Variants in SHISA9 observed in about 807,000 individuals in gnomAD.
The protein encoded by SHISA9 is protein shisa-9.
In SHISA9, 13 loss-of-function variants were observed where a neutral mutation model predicts 38.0. That is an observed-to-expected ratio of 0.34 (90% CI 0.22 to 0.54). SHISA9 has a LOEUF of 0.54. Among genes scored for constraint, SHISA9 ranks in the 20% least tolerant of loss-of-function variants. The pLI, the probability that SHISA9 is intolerant of heterozygous loss-of-function variation, is 0.91. For synonymous variants in SHISA9, 275 were observed against 242.0 expected (o/e 1.14, Z -1.27); for missense variants, 538 against 575.8 (o/e 0.93, Z 0.67).
At chr16:13,146,731 C>T (rs1467793164) in intron 2 of SHISA9, among the ~76,000 whole-genome samples, 1 of 152,154 alleles carries the variant, frequency 6.6e-6, no homozygotes, top group Non-Finnish European at 1.5e-5. Flanking sequence ...TTAACGTTGT[C>T]AGAATCAGGT....
chr16:13,052,943 C>T (rs1010627455), intron 2 of SHISA9, among the ~76,000 whole-genome samples: 2 of 150,220 alleles, frequency 1.3e-5, no homozygotes, highest in Non-Finnish European at 1.5e-5. Context: ...CCTTTAGGAT[C>T]CCCTTTCCTT....
chr16:13,551,757 G>A, the SHISA9 span, among the ~76,000 whole-genome samples: 46 of 152,264 alleles, frequency 3.0e-4, no homozygotes, highest in South Asian at 6.4e-3. Flanking sequence ...GGCCGGGAGC[G>A]GTGGCTCATG....
rs373019555 is a variant in SHISA9 at position 13,235,298 on chromosome 16, G to A, written c.1164G>A (p.Lys388=). 85 of 1,550,916 alleles carry A rather than the reference G, an allele frequency of 5.5e-5. No individual in the cohort carries two copies. Among genetic ancestry groups the A allele is most frequent in the Non-Finnish European group, 7.2e-5 (83 of 1,147,022 alleles). The change falls in exon 5 of 5, where the codon AAG becomes AAA. Residue 388 remains lysine (K), a synonymous_variant. Coordinates refer to ENST00000558583, the MANE Select transcript of SHISA9 (RefSeq NM_001145204.3). ...LRRQAYSNKG[K]LGTAETGSSD... ...GGCAGGCTTACAGCAACAAGGGCAA[G>A]CTTGGCACGGCCGAGACAGGCTCCA...
the SHISA9 span, among the ~76,000 whole-genome samples, chr16:13,556,907 C>T: frequency 1.3e-5 from 2 of 152,024 alleles, no homozygotes; most frequent in East Asian, 1.9e-4. Flanking sequence ...ATGGAATATA[C>T]ATAGTTTACA....
At chr16:13,168,098 C>G (rs552813042) in intron 2 of SHISA9, among the ~76,000 whole-genome samples, 181 of 152,250 alleles carry the variant, frequency 1.2e-3, no homozygotes, top group African/African-American at 4.0e-3. Flanking sequence ...TAGCCAGTTC[C>G]TGGAGATAGT....
chr16:13,127,224 A>G (rs1487577429), intron 2 of SHISA9, among the ~76,000 whole-genome samples: 11 of 106,694 alleles, frequency 1.0e-4, no homozygotes, highest in Non-Finnish European at 1.5e-4. Flanking sequence ...AAAGAGAGGG[A>G]GGGGGAGAAA....
chr16:13,088,233 T>G (rs1210232254), intron 2 of SHISA9, among the ~76,000 whole-genome samples: 6 of 152,170 alleles, frequency 3.9e-5, no homozygotes, highest in Non-Finnish European at 5.9e-5. Context: ...GGCCTTGTAG[T>G]ATAGTTTGAA....
the SHISA9 span, among the ~76,000 whole-genome samples, chr16:13,496,193 T>G: frequency 1.2e-4 from 18 of 152,122 alleles, no homozygotes; most frequent in African/African-American, 4.3e-4. Context: ...ACTCAAAAAA[T>G]GTTTTACCTG....
In SHISA9 at chr16:13,240,226, A is replaced by G. The variant is rs1389725460; in HGVS notation, c.*4817A>G. The G allele has an allele frequency of 6.6e-6, 1 of 152,242 alleles. No individual in the cohort carries two copies. The highest frequency in any genetic ancestry group is 2.4e-5 in the African/African-American group (1 of 41,478). 9.4% of individuals were successfully genotyped at this position (152,242 alleles called of 1,614,324 possible). ...ATATTTTATGTGCGAATATTTTAGT[A>G]ACCGTATGTTCTGCAAGTAAACCTG... is the stretch of plus-strand genomic sequence containing the variant. On this transcript the variant is annotated 3_prime_UTR_variant, in exon 5 of 5. Coordinates refer to ENST00000558583, the MANE Select transcript of SHISA9 (RefSeq NM_001145204.3).
At chr16:13,490,337 T>C in the SHISA9 span, among the ~76,000 whole-genome samples, 2 of 151,744 alleles carry the variant, frequency 1.3e-5, no homozygotes, top group African/African-American at 4.8e-5. Flanking sequence ...CTGAGGCGGG[T>C]GGATTGCCTG....
At chr16:13,019,750 TTTTCTTTTC>T (rs1207015269) in intron 2 of SHISA9, among the ~76,000 whole-genome samples, 25 of 150,546 alleles carry the variant, frequency 1.7e-4, no homozygotes, top group Non-Finnish European at 3.0e-4. Context: ...TTCTTCCTTC[TTTTCTTTTC>T]TTTCTTTTCT....
At chr16:13,349,623 A>G in the SHISA9 span, among the ~76,000 whole-genome samples, 1 of 152,234 alleles carries the variant, frequency 6.6e-6, no homozygotes, top group Admixed American at 6.5e-5. Context: ...CAAGTTGCAC[A>G]TCTTTCCACA....
At chr16:13,434,920 G>C in the SHISA9 span, among the ~76,000 whole-genome samples, 1 of 152,210 alleles carries the variant, frequency 6.6e-6, no homozygotes, top group Non-Finnish European at 1.5e-5. Flanking sequence ...TTTAGAAAGA[G>C]ATTGGTGCTT....
chr16:13,178,539 C>T (rs1008606497), intron 2 of SHISA9, among the ~76,000 whole-genome samples: 3 of 152,082 alleles, frequency 2.0e-5, no homozygotes, highest in Admixed American at 6.6e-5. Context: ...CATTTACAGC[C>T]CTCAACATTT....
chr16:13,489,688 A>G, the SHISA9 span, among the ~76,000 whole-genome samples: 1 of 152,216 alleles, frequency 6.6e-6, no homozygotes, highest in African/African-American at 2.4e-5. Context: ...TGGAACTGTG[A>G]GTCAATTAAA....
the SHISA9 span, among the ~76,000 whole-genome samples, chr16:13,387,908 G>C: frequency 2.0e-5 from 3 of 151,914 alleles, no homozygotes; most frequent in Non-Finnish European, 4.4e-5. Flanking sequence ...AAATTTTCTT[G>C]GAGGGTGAAA....
the SHISA9 span, among the ~76,000 whole-genome samples, chr16:13,454,599 A>G: frequency 6.6e-6 from 1 of 152,172 alleles, no homozygotes; most frequent in African/African-American, 2.4e-5. Context: ...AGTCACACAG[A>G]TAGTGACAAA....
intron 1 of SHISA9, 22 bp from the exon 2 acceptor site, chr16:12,916,665 AT>A: frequency 6.5e-7 from 1 of 1,546,156 alleles, no homozygotes; most frequent in Non-Finnish European, 8.7e-7. Context: ...GAATGAACAG[AT>A]TTAAATTCTT....
At chr16:13,532,624 A>C in the SHISA9 span, among the ~76,000 whole-genome samples, 1 of 151,524 alleles carries the variant, frequency 6.6e-6, no homozygotes, top group Non-Finnish European at 1.5e-5. Context: ...GAGAGCAGTT[A>C]TTGTTTTTAC....
Sources: gnomAD v4.1 joint callset for allele counts (sites outside exome capture counted in the v4.1 genomes callset) on GRCh38, gnomAD v4.1.1 for gene constraint, MANE v1.5 for transcripts, NCBI Gene and HGNC (gene_info 2026-07-23, HGNC 2026-07-21) for gene names.